The following B3GALNT2 variants were observed in gnomAD, a reference collection of about 807,000 sequenced individuals.
The protein encoded by B3GALNT2 is beta-1,3-N-acetylgalactosaminyltransferase 2, also known as UDP-GalNAc:beta-1,3-N-acetylgalactosaminyltransferase 2.
B3GALNT2 carries 53 observed loss-of-function variants against 61.1 expected under a neutral mutation model. The ratio of observed to expected loss-of-function variants is 0.87; its 90% CI spans 0.70 to 1.09. The LOEUF (loss-of-function observed/expected upper bound fraction) is 1.09. B3GALNT2 is among the 50% of genes least tolerant of loss of function. The probability of loss-of-function intolerance (pLI) is 0.00; values close to 1 mark genes in which losing one functional copy is unlikely to be tolerated. For missense variants in B3GALNT2, 544 were observed against 623.0 expected, an observed-to-expected ratio of 0.87 and a Z score of 1.35; for synonymous variants, 223 against 237.4, an observed-to-expected ratio of 0.94 and a Z score of 0.56.
At chr1:235,474,969 ATATATATATATATATATATTT>A (rs1341979577) in intron 5 of B3GALNT2, among the ~76,000 whole-genome samples, 11 of 28,814 alleles carry the variant, frequency 3.8e-4, no homozygotes, top group African/African-American at 1.4e-3. Flanking sequence ...ATATATATAT[ATATATATATATATATATATTT>A]TTTTTTTTTT....
rs945456346 is a variant in B3GALNT2 at position 235,448,193 on chromosome 1, T to TAA, written c.*2012_*2013insTT. On this transcript the variant is annotated 3_prime_UTR_variant, in exon 12 of 12. Transcript: ENST00000366600. ...CCAGCCTGGGCGACAGAGCAAGACT[T>TAA]ACTTAAGTAAGTAAGTAAGTCAGTC... Among the ~76,000 whole-genome samples the TAA allele has an allele frequency of 9.4e-5, 13 of 137,748 alleles. No individual in the cohort carries two copies. In the East Asian group the frequency reaches 2.5e-3, roughly 27 times the overall value. The allele number at this position is 137,748 out of a possible 152,430, so 90.4% of individuals were successfully genotyped here.
At chr1:235,473,962 T>C (rs552018044) in intron 5 of B3GALNT2, among the ~76,000 whole-genome samples, 21 of 152,326 alleles carry the variant, frequency 1.4e-4, no homozygotes, top group African/African-American at 5.1e-4. Context: ...TAGGCTATGA[T>C]ACAACAAACA....
chr1:235,487,347 GC>G, intron 3 of B3GALNT2, among the ~76,000 whole-genome samples: 1 of 152,244 alleles, frequency 6.6e-6, no homozygotes, highest in South Asian at 2.1e-4. Context: ...TTGAAACCCA[GC>G]TTTATAAAAT....
the B3GALNT2 span, chr1:235,441,815 A>G: frequency 6.2e-7 from 1 of 1,613,894 alleles, no homozygotes; most frequent in Non-Finnish European, 8.5e-7. Context: ...CTTAAACAGA[A>G]TATGGTGCAC....
chr1:235,448,839 C>T lies in B3GALNT2; in HGVS notation c.*1367G>A, dbSNP rs1269145259. On this transcript the variant is annotated 3_prime_UTR_variant, in exon 12 of 12. Transcript: ENST00000366600. ...ACCGGAAATAAATGATTCACTGGAA[C>T]AATTCTACTGTCAAAACAAAGGGGG... 4 of 1,079,740 alleles carry T rather than the reference C, an allele frequency of 3.7e-6. No individual in the cohort carries two copies. Among genetic ancestry groups the T allele is most frequent in the African/African-American group, 1.6e-5 (1 of 64,464 alleles). The allele number at this position is 1,079,740 out of a possible 1,614,324, so 66.9% of individuals were successfully genotyped here.
chr1:235,480,632 C>T (rs954342355), intron 4 of B3GALNT2, among the ~76,000 whole-genome samples: 2 of 152,026 alleles, frequency 1.3e-5, no homozygotes, highest in Non-Finnish European at 2.9e-5. Context: ...GAGCCAGGTG[C>T]AGTGGCTCAC....
At chr1:235,486,084 C>T (rs913892547) in intron 3 of B3GALNT2, among the ~76,000 whole-genome samples, 9 of 83,412 alleles carry the variant, frequency 1.1e-4, no homozygotes, top group African/African-American at 5.8e-4. Context: ...GAGCAAGACC[C>T]TGTCTCAAAA....
chr1:235,454,094 C>T (rs539118370), intron 10 of B3GALNT2, 62 bp downstream of exon 10: 179 of 1,463,522 alleles, frequency 1.2e-4, no homozygotes, highest in South Asian at 1.5e-4. Flanking sequence ...CCGCCTTAGC[C>T]TCCCAAAGTG....
In B3GALNT2 at chr1:235,484,340, A is replaced by G. The variant is rs775836647; in HGVS notation, c.537T>C (p.Leu179=). 3.1e-5 allele frequency: 50 copies of G among 1,613,918 alleles called. No individual in the cohort carries two copies. The South Asian group carries it at 5.4e-4, about 17-fold the overall frequency. The change falls in exon 4 of 12, where the codon CTT becomes CTC. Residue 179 remains leucine, a synonymous_variant. Transcript: ENST00000366600. ...VGFQRNITVK[L]YQAEQEEALF... The stretch of plus-strand genomic sequence containing the variant: ...TGCATACCTCTTGTTCTGCCTGATA[A>G]AGTTTGACAGTGATGTTCCTCTGGA...
At position 235,454,270 on chromosome 1, in the gene B3GALNT2, C is replaced by T. The variant is rs1398625005; in HGVS notation, c.1197G>A (p.Glu399=). 2.5e-6 allele frequency: 4 copies of T among 1,613,194 alleles called. No individual in the cohort carries two copies. The highest frequency in any genetic ancestry group is 3.4e-6 in the Non-Finnish European group (4 of 1,179,324). Reference sequence around the variant, plus strand: ...GGTAAGCGGGGCTCGGGTACTCCAACTCCTGCCACTTTCCGGTTCGGTCAA... The same window carrying T: ...GGTAAGCGGGGCTCGGGTACTCCAATTCCTGCCACTTTCCGGTTCGGTCAA... ...WAVDRTGKWQ[E]LEYPSPAYPA... The change falls in exon 10 of 12, where the codon GAG becomes GAA. Residue 399 remains glutamate (E), a synonymous_variant. Transcript: ENST00000366600.
intron 9 of B3GALNT2, among the ~76,000 whole-genome samples, chr1:235,454,660 G>A (rs1400545166): frequency 6.6e-6 from 1 of 151,958 alleles, no homozygotes; most frequent in Non-Finnish European, 1.5e-5. Context: ...GGCTGGTCTT[G>A]AACTCCTGAC....
chr1:235,478,620 TAC>T (rs765719467), intron 5 of B3GALNT2, among the ~76,000 whole-genome samples: 10 of 152,212 alleles, frequency 6.6e-5, no homozygotes, highest in Non-Finnish European at 1.2e-4. Context: ...TGATATTTAC[TAC>T]AGTCTTTTCC....
Position 235,494,844 on chromosome 1 carries a change from A to G in B3GALNT2, c.113-16T>C. Reference sequence around the variant, plus strand: ...GCCAACTGATCTAGAAATAAGAACAATACATGAGAAATAAGTCATGTATCA... The same window carrying G: ...GCCAACTGATCTAGAAATAAGAACAGTACATGAGAAATAAGTCATGTATCA... On this transcript the variant is annotated splice_polypyrimidine_tract_variant and intron_variant, in intron 1 of 11. Transcript: ENST00000366600. 1 of 1,581,172 alleles carries G rather than the reference A, an allele frequency of 6.3e-7. No individual in the cohort carries two copies. Among genetic ancestry groups the G allele is most frequent in the Middle Eastern group, 1.7e-4 (1 of 5,974 alleles).
intron 5 of B3GALNT2, among the ~76,000 whole-genome samples, chr1:235,475,411 A>C (rs1572521771): frequency 6.6e-6 from 1 of 152,126 alleles, no homozygotes; most frequent in Admixed American, 6.5e-5. Flanking sequence ...CTTACAGGCG[A>C]CCTGCTTACT....
chr1:235,465,890 T>C (rs1374164506), intron 6 of B3GALNT2, 176 bp from the exon 7 acceptor site: 2 of 673,222 alleles, frequency 3.0e-6, no homozygotes, highest in Non-Finnish European at 4.9e-6. Flanking sequence ...TCTACTATTT[T>C]TGTTATCTAA....
chr1:235,487,425 T>C lies in B3GALNT2; in HGVS notation c.361+1743A>G, dbSNP rs1160033495. Among the ~76,000 whole-genome samples, 3 of 152,168 alleles carry C rather than the reference T, an allele frequency of 2.0e-5. 1 individual carries two copies. The highest frequency in any genetic ancestry group is 4.4e-5 in the Non-Finnish European group (3 of 68,014). ...AGGAACTATTATTCTAAATACATCA[T>C]ATGTATCAACTTATTTCATCCTTAT... On this transcript the variant is annotated intron_variant, in intron 3 of 11. Transcript: ENST00000366600.
chr1:235,455,827 A>G, intron 8 of B3GALNT2, 143 bp from the exon 9 acceptor site: 1 of 1,112,992 alleles, frequency 9.0e-7, no homozygotes, highest in Non-Finnish European at 1.2e-6. Context: ...CATTTGCTCT[A>G]ACAAAATTTT....
chr1:235,458,805 G>A lies in B3GALNT2; in HGVS notation c.842-19C>T. 6.4e-7 allele frequency: 1 copy of A among 1,555,586 alleles called. No individual in the cohort carries two copies. The highest frequency in any genetic ancestry group is 8.7e-7 in the Non-Finnish European group (1 of 1,152,466). The stretch of plus-strand genomic sequence containing the variant: ...TCACCTTCTATAAAGGAAAAGTTGA[G>A]AGTTGGAGAAAAATGCTGTTGTAAA... On this transcript the variant is annotated intron_variant, in intron 7 of 11. Coordinates refer to ENST00000366600, the MANE Select transcript of B3GALNT2 (RefSeq NM_152490.5).
At chr1:235,475,578 G>A (rs941891213) in intron 5 of B3GALNT2, among the ~76,000 whole-genome samples, 1 of 151,806 alleles carries the variant, frequency 6.6e-6, no homozygotes, top group African/African-American at 2.4e-5. Flanking sequence ...TCATTCTTCC[G>A]AGCAAACAAA....
Sources: gnomAD v4.1 joint callset for allele counts (sites outside exome capture counted in the v4.1 genomes callset) on GRCh38, gnomAD v4.1.1 for gene constraint, MANE v1.5 for transcripts, NCBI Gene and HGNC (gene_info 2026-07-23, HGNC 2026-07-21) for gene names.